Variants in KLHL1 observed in about 807,000 individuals in gnomAD.
KLHL1 encodes the protein kelch-like protein 1.
A neutral mutation model predicts 77.7 loss-of-function variants in KLHL1; 47 were observed. The ratio of observed to expected loss-of-function variants is 0.60; its 90% CI spans 0.48 to 0.77. KLHL1 has a LOEUF of 0.77. Ranked by LOEUF, KLHL1 falls within the 30% of genes least tolerant of loss-of-function variation. The pLI is 0.00. For missense variants in KLHL1, 925 were observed against 910.8 expected (o/e 1.02, Z -0.20); for synonymous variants, 360 against 325.2 (o/e 1.11, Z -1.15).
intron 1 of KLHL1, among the ~76,000 whole-genome samples, chr13:70,063,465 T>G (rs1045274447): frequency 1.3e-5 from 2 of 152,126 alleles, no homozygotes; most frequent in African/African-American, 4.8e-5. Context: ...TATAGTAGTG[T>G]TTACATTGTT....
At position 69,954,800 on chromosome 13, in the gene KLHL1, T is replaced by TACACACACAC. The variant is rs34668618; in HGVS notation, c.817+6498_817+6507dup. ...TTTCATACGATAGTACTAAATGTTT[T>TACACACACAC]ACACACACACACACACACATTTTAA... On this transcript the variant is annotated intron_variant, in intron 3 of 10. Transcript: ENST00000377844. Among the ~76,000 whole-genome samples, 1,284 of 149,572 alleles carry TACACACACAC rather than the reference T, an allele frequency of 8.6e-3. 15 individuals carry two copies. Among genetic ancestry groups the TACACACACAC allele is most frequent in the African/African-American group, 0.029 (1,187 of 41,014 alleles).
intron 4 of KLHL1, among the ~76,000 whole-genome samples, chr13:69,898,552 A>C (rs866519755): frequency 1.3e-5 from 2 of 152,172 alleles, no homozygotes; most frequent in African/African-American, 2.4e-5. Flanking sequence ...CTCAGATATG[A>C]GTGAGTTCTT....
At chr13:69,862,623 T>C (rs924267782) in intron 5 of KLHL1, among the ~76,000 whole-genome samples, 1 of 152,088 alleles carries the variant, frequency 6.6e-6, no homozygotes, top group Non-Finnish European at 1.5e-5. Context: ...AAAATTCATA[T>C]GTTGAAGCGT....
intron 5 of KLHL1, among the ~76,000 whole-genome samples, chr13:69,880,759 C>T (rs1268922332): frequency 6.6e-6 from 1 of 152,116 alleles, no homozygotes; most frequent in Non-Finnish European, 1.5e-5. Context: ...AATCTGGTCA[C>T]ATTCTTGACC....
chr13:70,107,135 A>G (rs1377706178), intron 1 of KLHL1, 68 bp downstream of exon 1: 1 of 1,521,890 alleles, frequency 6.6e-7, no homozygotes, highest in Non-Finnish European at 8.8e-7. Flanking sequence ...TAGTAGCCAC[A>G]TGAGCACACG....
intron 9 of KLHL1, among the ~76,000 whole-genome samples, chr13:69,717,973 G>T (rs1317027007): frequency 6.6e-6 from 1 of 152,042 alleles, no homozygotes; most frequent in Non-Finnish European, 1.5e-5. Flanking sequence ...GGCAATATTG[G>T]TAAACATTGT....
At chr13:69,813,472 A>T (rs1462577393) in intron 6 of KLHL1, among the ~76,000 whole-genome samples, 2 of 128,370 alleles carry the variant, frequency 1.6e-5, no homozygotes, top group Non-Finnish European at 3.4e-5. Context: ...ACACATATAT[A>T]CACACACATA....
chr13:69,946,194 C>A (rs956234214), intron 3 of KLHL1, among the ~76,000 whole-genome samples: 17 of 151,934 alleles, frequency 1.1e-4, no homozygotes, highest in Admixed American at 2.6e-4. Context: ...TAAGGAAGAA[C>A]AACAAGATAG....
intron 2 of KLHL1, among the ~76,000 whole-genome samples, chr13:69,973,414 C>T (rs2137288531): frequency 6.6e-6 from 1 of 151,588 alleles, no homozygotes; most frequent in Non-Finnish European, 1.5e-5. Context: ...TGTTAGCTAG[C>T]AATGCTTTTA....
intron 5 of KLHL1, among the ~76,000 whole-genome samples, chr13:69,858,323 G>A (rs537324631): frequency 6.6e-6 from 1 of 152,160 alleles, no homozygotes; most frequent in African/African-American, 2.4e-5. Context: ...ACCTAATAAG[G>A]ACTTTGAACT....
At chr13:69,751,901 A>G (rs1009294282) in intron 7 of KLHL1, among the ~76,000 whole-genome samples, 1 of 143,180 alleles carries the variant, frequency 7.0e-6, no homozygotes, top group Non-Finnish European at 1.5e-5. Flanking sequence ...CTCAGGAAAT[A>G]TTTGCAAATT....
intron 3 of KLHL1, among the ~76,000 whole-genome samples, chr13:69,949,336 T>C (rs56358950): frequency 0.14 from 20,935 of 151,672 alleles, 2,373 homozygotes; most frequent in African/African-American, 0.29. Context: ...TTTTTAATGA[T>C]TTTGACAGTT....
chr13:70,088,685 TAAAC>T (rs1315329012), intron 1 of KLHL1, among the ~76,000 whole-genome samples: 1 of 152,058 alleles, frequency 6.6e-6, no homozygotes, highest in African/African-American at 2.4e-5. Flanking sequence ...CCCTGTCTCA[TAAAC>T]AAACAAATAA....
At chr13:69,996,909 AAT>A (rs1885167419) in intron 1 of KLHL1, among the ~76,000 whole-genome samples, 2 of 106,656 alleles carry the variant, frequency 1.9e-5, no homozygotes, top group African/African-American at 3.8e-5. Flanking sequence ...TTATTCATTA[AAT>A]TTTTTTTTTT....
At chr13:70,100,401 T>A (rs917824911) in intron 1 of KLHL1, among the ~76,000 whole-genome samples, 8 of 151,474 alleles carry the variant, frequency 5.3e-5, no homozygotes, top group African/African-American at 1.7e-4. Flanking sequence ...CTTGCTACAT[T>A]TTTTTGTCGA....
intron 3 of KLHL1, among the ~76,000 whole-genome samples, chr13:69,946,142 T>C (rs1011938770): frequency 2.4e-4 from 36 of 152,160 alleles, no homozygotes; most frequent in African/African-American, 8.7e-4. Flanking sequence ...AAATCTGGTA[T>C]GTAAGGAGTC....
intron 7 of KLHL1, among the ~76,000 whole-genome samples, chr13:69,780,721 T>TACAAAC (rs1160244352): frequency 1.6e-5 from 1 of 62,852 alleles, no homozygotes; most frequent in African/African-American, 6.9e-5. Flanking sequence ...TATATGTATA[T>TACAAAC]ATATATATAT....
intron 6 of KLHL1, among the ~76,000 whole-genome samples, chr13:69,821,793 T>C (rs2138079004): frequency 6.6e-6 from 1 of 152,332 alleles, no homozygotes; most frequent in Middle Eastern, 3.4e-3. Context: ...TACTTCTTCA[T>C]AAATAATCAT....
chr13:69,849,106 A>C (rs1879585567), intron 5 of KLHL1, among the ~76,000 whole-genome samples: 1 of 151,282 alleles, frequency 6.6e-6, no homozygotes, highest in Non-Finnish European at 1.5e-5. Flanking sequence ...TCCTTCCTTC[A>C]TTCATTCATC....
Sources: gnomAD v4.1 joint callset for allele counts (sites outside exome capture counted in the v4.1 genomes callset) on GRCh38, gnomAD v4.1.1 for gene constraint, MANE v1.5 for transcripts, NCBI Gene and HGNC (gene_info 2026-07-23, HGNC 2026-07-21) for gene names.